Variants in PCLO observed in about 807,000 individuals in gnomAD.
PCLO encodes piccolo presynaptic cytomatrix protein.
In PCLO, 82 loss-of-function variants were observed where a neutral mutation model predicts 427.5. That is an observed-to-expected ratio of 0.19 (90% CI 0.16 to 0.23). The LOEUF is 0.23. Ranked by LOEUF, PCLO falls within the 10% of genes least tolerant of loss-of-function variation. The probability of loss-of-function intolerance (pLI) is 1.00; values close to 1 mark genes in which losing one functional copy is unlikely to be tolerated. For missense variants in PCLO, 6,239 were observed against 6,115.9 expected, an observed-to-expected ratio of 1.02 and a Z score of -0.67; for synonymous variants, 2,357 against 2,155.4, an observed-to-expected ratio of 1.09 and a Z score of -2.59.
chr7:83,003,444 T>C (rs905278126), intron 3 of PCLO, among the ~76,000 whole-genome samples: 7 of 151,800 alleles, frequency 4.6e-5, no homozygotes, highest in African/African-American at 1.4e-4. Flanking sequence ...TTTGTGTGTG[T>C]TTATAGTAGA....
chr7:82,846,596 T>C lies in PCLO; in HGVS notation c.13802A>G (p.His4601Arg), dbSNP rs375384154. 9.4e-5 allele frequency: 152 copies of C among 1,608,920 alleles called. No homozygotes were observed. Among genetic ancestry groups the C allele is most frequent in the South Asian group, 7.7e-4 (70 of 90,452 alleles). Reference protein sequence around the residue: ...NMLSDSENSQHLELHEPPKAV... With the variant: ...NMLSDSENSQRLELHEPPKAV... ...TTTTGGTGGCTCATGAAGTTCCAGATGCTGGGAATTTTCAGAATCTGATAG... is the reference window on the plus strand; with the variant it reads ...TTTTGGTGGCTCATGAAGTTCCAGACGCTGGGAATTTTCAGAATCTGATAG... The change falls in exon 12 of 25, where the codon CAT becomes CGT. Residue 4601 changes from histidine to arginine, a missense_variant. Physicochemically the swap from His to Arg is conservative, Grantham distance 29. This residue lies in a region of PCLO where 877 missense variants were observed against 925.5 expected (regional missense o/e 0.95). Transcript: ENST00000333891.
At chr7:83,068,281 T>C (rs1485432413) in intron 3 of PCLO, among the ~76,000 whole-genome samples, 1 of 152,116 alleles carries the variant, frequency 6.6e-6, no homozygotes, top group Non-Finnish European at 1.5e-5. Context: ...TAGTAAAAGG[T>C]AAGCAGAGAA....
At chr7:82,776,502 T>C (rs1420917813) in intron 22 of PCLO, among the ~76,000 whole-genome samples, 1 of 152,038 alleles carries the variant, frequency 6.6e-6, no homozygotes, top group Non-Finnish European at 1.5e-5. Context: ...TTTAATAAAA[T>C]GTAAAATCTG....
intron 24 of PCLO, 119 bp from the exon 25 acceptor site, chr7:82,758,834 T>C (rs956089156): frequency 3.4e-6 from 2 of 584,434 alleles, no homozygotes. Flanking sequence ...AGGGTGACGC[T>C]GAGTAGAAGT....
chr7:83,013,807 T>G (rs1370857290), intron 3 of PCLO, among the ~76,000 whole-genome samples: 2 of 152,202 alleles, frequency 1.3e-5, no homozygotes, highest in Non-Finnish European at 2.9e-5. Flanking sequence ...TCACTTAGTG[T>G]TTTTGGAAAT....
chr7:83,003,667 C>A (rs567568379), intron 3 of PCLO, among the ~76,000 whole-genome samples: 1 of 151,858 alleles, frequency 6.6e-6, no homozygotes, highest in South Asian at 2.1e-4. Flanking sequence ...ATATGTTGCA[C>A]CATCTTTGCA....
chr7:82,795,937 C>T (rs1017879455), intron 22 of PCLO, among the ~76,000 whole-genome samples: 1 of 152,136 alleles, frequency 6.6e-6, no homozygotes, highest in South Asian at 2.1e-4. Context: ...ATCAGAGCAA[C>T]AACTCCCAGT....
Position 82,824,396 on chromosome 7 carries a change from G to C in PCLO, c.14436C>G (p.Ser4812Arg). 1 of 1,601,736 alleles carries C rather than the reference G, an allele frequency of 6.2e-7. No individual in the cohort carries two copies. Among genetic ancestry groups the C allele is most frequent in the Non-Finnish European group, 8.5e-7 (1 of 1,172,942 alleles). The stretch of plus-strand genomic sequence containing the variant: ...TTGGAGTGTTATCGAGGTGAGATGT[G>C]CTAGATAAATCAATCAATACCTGAA... Reference protein sequence around the residue: ...FLGEVLIDLSSTSHLDNTPRW... With the variant: ...FLGEVLIDLSRTSHLDNTPRW... The change falls in exon 19 of 25, where the codon AGC (serine) becomes AGG (arginine). Residue 4812 changes from serine to arginine, a missense_variant. Ser to Arg is a moderately radical substitution (Grantham distance 110). Coordinates refer to ENST00000333891, the MANE Select transcript of PCLO (RefSeq NM_033026.6).
chr7:82,918,305 T>C (rs1236624808), intron 6 of PCLO, among the ~76,000 whole-genome samples: 1 of 152,008 alleles, frequency 6.6e-6, no homozygotes, highest in Non-Finnish European at 1.5e-5. Flanking sequence ...AGAATTGTTA[T>C]AAAAATCAAG....
chr7:83,148,889 TGA>T (rs1792061487), intron 2 of PCLO, among the ~76,000 whole-genome samples: 1 of 152,184 alleles, frequency 6.6e-6, no homozygotes, highest in Admixed American at 6.5e-5. Context: ...CTACTTCGAA[TGA>T]GAGAAAACAG....
Position 82,755,905 on chromosome 7 carries a change from T to G in PCLO, c.*2670A>C, listed in dbSNP as rs1185099852. On this transcript the variant is annotated 3_prime_UTR_variant, in exon 25 of 25. Coordinates refer to ENST00000333891, the MANE Select transcript of PCLO (RefSeq NM_033026.6). ...CAAACTTGGCACACTGGCAGGATCTTATGCTCTCTGAAGGGGAATGCTGGT... is the reference window on the plus strand; with the variant it reads ...CAAACTTGGCACACTGGCAGGATCTGATGCTCTCTGAAGGGGAATGCTGGT... 6.6e-6 allele frequency: 1 copy of G among 152,156 alleles called. No homozygotes were observed. Among genetic ancestry groups the G allele is most frequent in the East Asian group, 1.9e-4 (1 of 5,180 alleles). 9.4% of individuals were successfully genotyped at this position (152,156 alleles called of 1,614,324 possible).
intron 22 of PCLO, among the ~76,000 whole-genome samples, chr7:82,791,827 T>C (rs950284280): frequency 3.3e-5 from 5 of 152,198 alleles, no homozygotes; most frequent in African/African-American, 1.2e-4. Context: ...CAGGATTTTC[T>C]AGATATAATA....
At chr7:83,152,020 A>G (rs1792144531) in intron 2 of PCLO, among the ~76,000 whole-genome samples, 1 of 151,694 alleles carries the variant, frequency 6.6e-6, no homozygotes, top group South Asian at 2.1e-4. Context: ...GCTGGAATGC[A>G]GTGGCGTGAT....
At chr7:82,927,272 T>TTAAAG (rs1794734444) in intron 6 of PCLO, among the ~76,000 whole-genome samples, 1 of 152,184 alleles carries the variant, frequency 6.6e-6, no homozygotes, top group African/African-American at 2.4e-5. Context: ...TAGCGTAGGT[T>TTAAAG]TAAAGTACTT....
chr7:83,009,638 G>A (rs1462468602), intron 3 of PCLO, among the ~76,000 whole-genome samples: 1 of 151,710 alleles, frequency 6.6e-6, no homozygotes, highest in African/African-American at 2.4e-5. Flanking sequence ...CAAATTGAAT[G>A]ACTTCTTGAT....
At chr7:83,157,155 C>T (rs549890958) in intron 1 of PCLO, among the ~76,000 whole-genome samples, 1 of 152,252 alleles carries the variant, frequency 6.6e-6, no homozygotes, top group African/African-American at 2.4e-5. Flanking sequence ...ATCCCCATGC[C>T]TCCATCTAGA....
chr7:82,821,923 C>T, intron 20 of PCLO: 2 of 985,528 alleles, frequency 2.0e-6, no homozygotes, highest in Non-Finnish European at 2.4e-6. Context: ...GGAAAGCTAC[C>T]ATATTTCAGA....
chr7:83,036,913 T>G (rs2116179137), intron 3 of PCLO, among the ~76,000 whole-genome samples: 1 of 152,222 alleles, frequency 6.6e-6, no homozygotes, highest in East Asian at 1.9e-4. Context: ...TTTTCAAAGT[T>G]ACTTCCTGGT....
At chr7:83,046,090 C>T (rs971986759) in intron 3 of PCLO, among the ~76,000 whole-genome samples, 1 of 152,002 alleles carries the variant, frequency 6.6e-6, no homozygotes, top group Admixed American at 6.6e-5. Context: ...TGTTTGTACC[C>T]TAATCTCCTC....
Sources: gnomAD v4.1 joint callset for allele counts (sites outside exome capture counted in the v4.1 genomes callset) on GRCh38, gnomAD v4.1.1 for gene constraint, gnomAD v4.1.1 regional missense constraint, MANE v1.5 for transcripts, NCBI Gene and HGNC (gene_info 2026-07-23, HGNC 2026-07-21) for gene names.